GRID1: variants seen among roughly 807,000 people sequenced by gnomAD.
The protein encoded by GRID1 is glutamate receptor ionotropic, delta-1.
Under a neutral mutation model 98.0 loss-of-function variants are expected in GRID1, and 28 were observed. The observed-to-expected ratio is 0.29, with a 90% CI of 0.21 to 0.39. The LOEUF (loss-of-function observed/expected upper bound fraction) is 0.39, where lower values mean the gene tolerates loss of function less well. GRID1 is among the 10% of genes least tolerant of loss of function. The probability of loss-of-function intolerance (pLI) is 1.00; values close to 1 mark genes in which losing one functional copy is unlikely to be tolerated. For synonymous variants in GRID1, 553 were observed against 538.5 expected, an observed-to-expected ratio of 1.03 and a Z score of -0.37; for missense variants, 1,111 against 1,340.5, an observed-to-expected ratio of 0.83 and a Z score of 2.67.
intron 15 of GRID1, among the ~76,000 whole-genome samples, chr10:85,609,344 C>A (rs1164059531): frequency 6.6e-6 from 1 of 152,176 alleles, no homozygotes; most frequent in African/African-American, 2.4e-5. Flanking sequence ...ATAGAGTAGC[C>A]CCTTGGCCAC....
chr10:85,774,430 C>T (rs1842307952), intron 8 of GRID1, among the ~76,000 whole-genome samples: 1 of 152,276 alleles, frequency 6.6e-6, no homozygotes, highest in East Asian at 1.9e-4. Context: ...AACTTCATGT[C>T]TAAAACACCA....
At chr10:86,229,729 C>T (rs190746381) in intron 2 of GRID1, among the ~76,000 whole-genome samples, 8 of 152,276 alleles carry the variant, frequency 5.3e-5, no homozygotes, top group Admixed American at 4.6e-4. Context: ...GGCAGACAGC[C>T]GGGCGTGCGG....
chr10:86,201,989 C>CT (rs1422262167), intron 3 of GRID1, among the ~76,000 whole-genome samples: 2 of 152,198 alleles, frequency 1.3e-5, no homozygotes, highest in Non-Finnish European at 2.9e-5. Context: ...GGTTATTAAT[C>CT]TTTTAATTAA....
intron 4 of GRID1, among the ~76,000 whole-genome samples, chr10:86,115,350 GATGAATGAATGA>G (rs374476686): frequency 2.0e-5 from 3 of 151,944 alleles, no homozygotes; most frequent in Admixed American, 6.5e-5. Context: ...TGAAACAATA[GATGAATGAATGA>G]ATGAATGAAT....
chr10:85,890,833 C>A (rs1841190255), intron 5 of GRID1, among the ~76,000 whole-genome samples: 1 of 152,130 alleles, frequency 6.6e-6, no homozygotes, highest in Non-Finnish European at 1.5e-5. Context: ...TAGAATTACA[C>A]ACACATACAC....
intron 4 of GRID1, among the ~76,000 whole-genome samples, chr10:86,115,570 G>A (rs997711637): frequency 1.3e-5 from 2 of 152,158 alleles, no homozygotes; most frequent in African/African-American, 4.8e-5. Flanking sequence ...CATTTTTCAG[G>A]TGAAAAAAGT....
chr10:85,769,605 C>T (rs939604250), intron 8 of GRID1, among the ~76,000 whole-genome samples: 3 of 152,194 alleles, frequency 2.0e-5, no homozygotes, highest in East Asian at 1.9e-4. Context: ...CCTGGGAAAT[C>T]GGGTCACACC....
At chr10:86,210,282 T>A (rs1314141949) in intron 2 of GRID1, among the ~76,000 whole-genome samples, 1 of 151,928 alleles carries the variant, frequency 6.6e-6, no homozygotes, top group Non-Finnish European at 1.5e-5. Context: ...TCACCAGGGG[T>A]GGTGGGAAGA....
chr10:85,882,683 T>C (rs533040576), intron 5 of GRID1, among the ~76,000 whole-genome samples: 1 of 152,230 alleles, frequency 6.6e-6, no homozygotes, highest in East Asian at 1.9e-4. Flanking sequence ...AATGACAAGT[T>C]AATGGGTGCA....
intron 8 of GRID1, among the ~76,000 whole-genome samples, chr10:85,834,830 G>C (rs904725944): frequency 2.0e-5 from 3 of 152,014 alleles, no homozygotes; most frequent in South Asian, 2.1e-4. Context: ...TTATGATTTA[G>C]CACTTACTTA....
intron 4 of GRID1, among the ~76,000 whole-genome samples, chr10:86,053,676 T>A (rs186633759): frequency 6.0e-4 from 91 of 152,276 alleles, no homozygotes; most frequent in Non-Finnish European, 1.1e-3. Flanking sequence ...TTTTTAAAAC[T>A]GTGCTATGGT....
At chr10:86,031,453 G>C (rs914637432) in intron 4 of GRID1, among the ~76,000 whole-genome samples, 1 of 151,978 alleles carries the variant, frequency 6.6e-6, no homozygotes, top group South Asian at 2.1e-4. Flanking sequence ...CTACCTATGG[G>C]GTACTATGTT....
At chr10:85,799,207 A>G (rs1343464728) in intron 8 of GRID1, among the ~76,000 whole-genome samples, 1 of 152,064 alleles carries the variant, frequency 6.6e-6, no homozygotes, top group African/African-American at 2.4e-5. Flanking sequence ...CTACATGTCC[A>G]TGTCTACATT....
intron 3 of GRID1, among the ~76,000 whole-genome samples, chr10:86,159,057 C>T (rs545304466): frequency 1.1e-3 from 166 of 152,204 alleles, no homozygotes; most frequent in African/African-American, 3.6e-3. Context: ...CCATGCCCGG[C>T]TAATTTTTTT....
chr10:85,949,125 C>A (rs539019451), intron 4 of GRID1, among the ~76,000 whole-genome samples: 33 of 152,060 alleles, frequency 2.2e-4, no homozygotes, highest in African/African-American at 7.5e-4. Flanking sequence ...GTGTGGGGTG[C>A]GGGAGGGGAA....
intron 8 of GRID1, among the ~76,000 whole-genome samples, chr10:85,801,915 T>G (rs1243512602): frequency 6.6e-6 from 1 of 152,006 alleles, no homozygotes; most frequent in Non-Finnish European, 1.5e-5. Flanking sequence ...CTATTAGCTA[T>G]AAGAGATGAA....
intron 8 of GRID1, among the ~76,000 whole-genome samples, chr10:85,739,566 C>A (rs1465357791): frequency 3.3e-5 from 5 of 152,220 alleles, no homozygotes; most frequent in Middle Eastern, 3.4e-3. Context: ...GCCTGGGTGA[C>A]AGAGTAAGAC....
At chr10:85,915,899 C>T (rs1052028589) in intron 5 of GRID1, among the ~76,000 whole-genome samples, 2 of 152,208 alleles carry the variant, frequency 1.3e-5, no homozygotes, top group Admixed American at 6.5e-5. Context: ...CTGGCTCCCA[C>T]TGGCTGCCTC....
At chr10:86,143,836 G>C (rs1215289548) in intron 3 of GRID1, among the ~76,000 whole-genome samples, 2 of 152,234 alleles carry the variant, frequency 1.3e-5, no homozygotes, top group African/African-American at 4.8e-5. Context: ...AAAGGAGGCA[G>C]CTCGGGGTGC....
Sources: gnomAD v4.1 joint callset for allele counts (sites outside exome capture counted in the v4.1 genomes callset) on GRCh38, gnomAD v4.1.1 for gene constraint, MANE v1.5 for transcripts, NCBI Gene and HGNC (gene_info 2026-07-23, HGNC 2026-07-21) for gene names.